The following MGAT4C variants were observed in gnomAD, a reference collection of about 807,000 sequenced individuals.
The protein encoded by MGAT4C is alpha-1,3-mannosyl-glycoprotein 4-beta-N-acetylglucosaminyltransferase C.
MGAT4C carries 19 observed loss-of-function variants against 40.1 expected under a neutral mutation model. The observed-to-expected ratio is 0.47, with a 90% CI of 0.33 to 0.70. MGAT4C has a LOEUF of 0.70. Among genes scored for constraint, MGAT4C ranks in the 30% least tolerant of loss-of-function variants. The pLI, the probability that MGAT4C is intolerant of heterozygous loss-of-function variation, is 0.02. For synonymous variants in MGAT4C, 181 were observed against 187.1 expected (o/e 0.97, Z 0.27); for missense variants, 491 against 563.2 (o/e 0.87, Z 1.30).
At chr12:86,179,207 C>T (rs1593158756) in intron 1 of MGAT4C, among the ~76,000 whole-genome samples, 1 of 152,162 alleles carries the variant, frequency 6.6e-6, no homozygotes, top group Non-Finnish European at 1.5e-5. Flanking sequence ...TTGCTTCTTC[C>T]TCATTTTTCT....
chr12:86,769,910 C>G (rs1416517647), intron 1 of MGAT4C, among the ~76,000 whole-genome samples: 1 of 151,818 alleles, frequency 6.6e-6, no homozygotes, highest in Non-Finnish European at 1.5e-5. Flanking sequence ...ATACCTAATG[C>G]TAAATGACAA....
intron 1 of MGAT4C, among the ~76,000 whole-genome samples, chr12:86,754,864 T>C (rs1480082663): frequency 1.3e-5 from 2 of 152,168 alleles, no homozygotes; most frequent in African/African-American, 4.8e-5. Context: ...GCTTCCATGA[T>C]GGTCTGAAAC....
intron 4 of MGAT4C, among the ~76,000 whole-genome samples, chr12:86,300,784 T>C (rs955170984): frequency 3.3e-5 from 5 of 152,072 alleles, no homozygotes; most frequent in African/African-American, 1.2e-4. Flanking sequence ...AAACTGAGTA[T>C]AAAATAAAGT....
At position 86,589,583 on chromosome 12, in the gene MGAT4C, G is replaced by A. The variant is rs10776990; in HGVS notation, c.-229+137626C>T. Among the ~76,000 whole-genome samples the A allele has an allele frequency of 2.7e-5, 4 of 147,308 alleles. No homozygotes were observed. The East Asian group carries it at 8.1e-4, about 30-fold the overall frequency. On this transcript the variant is annotated intron_variant, in intron 2 of 7. Transcript: ENST00000548651. ...CCAGCATCATCCTGATACCAAAGCC[G>A]GGCAGAGACACAACCAAAAAAGAGA...
chr12:86,598,884 T>G (rs555693242), intron 2 of MGAT4C, among the ~76,000 whole-genome samples: 6 of 152,290 alleles, frequency 3.9e-5, no homozygotes, highest in African/African-American at 1.4e-4. Flanking sequence ...AAATAAATAA[T>G]AGACATTCTG....
chr12:86,766,318 C>A (rs1442426137), intron 1 of MGAT4C, among the ~76,000 whole-genome samples: 9 of 152,098 alleles, frequency 5.9e-5, no homozygotes, highest in Non-Finnish European at 5.9e-5. Flanking sequence ...GAAGAGCTAA[C>A]TATCCTAAAT....
intron 2 of MGAT4C, among the ~76,000 whole-genome samples, chr12:86,458,028 C>A (rs933241051): frequency 6.6e-6 from 1 of 151,650 alleles, no homozygotes; most frequent in Non-Finnish European, 1.5e-5. Context: ...TTTGTCAATA[C>A]AAAACAAAAA....
chr12:86,164,467 G>C (rs1228631803), intron 1 of MGAT4C, among the ~76,000 whole-genome samples: 1 of 152,214 alleles, frequency 6.6e-6, no homozygotes, highest in African/African-American at 2.4e-5. Flanking sequence ...GGGGTGCAAA[G>C]TTGAGCAATA....
intron 2 of MGAT4C, among the ~76,000 whole-genome samples, chr12:86,673,809 G>T (rs937278368): frequency 5.3e-5 from 8 of 151,772 alleles, no homozygotes; most frequent in African/African-American, 1.9e-4. Context: ...ACTGTTTGAC[G>T]TATATGGATC....
At chr12:86,362,101 G>C (rs575061525) in intron 3 of MGAT4C, among the ~76,000 whole-genome samples, 37 of 152,310 alleles carry the variant, frequency 2.4e-4, no homozygotes, top group Non-Finnish European at 3.5e-4. Context: ...GTCCATCAAT[G>C]ATAGACTGGA....
In MGAT4C at chr12:85,989,585, T is replaced by G. The variant is rs768922507; in HGVS notation, c.-6-33A>C. ...AAAGAGACACAGAATTACTAGCAGT[T>G]GGTTTTGGATGCAAATATTTCTTTA... is the stretch of plus-strand genomic sequence containing the variant. On this transcript the variant is annotated intron_variant, in intron 2 of 4. Transcript: ENST00000611864. 1.5e-5 allele frequency: 23 copies of G among 1,535,910 alleles called. 1 individual carries two copies. The South Asian group carries it at 2.9e-4, about 19-fold the overall frequency.
At chr12:86,167,367 TTAA>T (rs2135818319) in intron 1 of MGAT4C, among the ~76,000 whole-genome samples, 1 of 152,302 alleles carries the variant, frequency 6.6e-6, no homozygotes, top group African/African-American at 2.4e-5. Flanking sequence ...TAGATGGTGG[TTAA>T]TAATTGTTTA....
chr12:86,574,489 A>G (rs1286912346), intron 2 of MGAT4C, among the ~76,000 whole-genome samples: 2 of 151,718 alleles, frequency 1.3e-5, no homozygotes, highest in Non-Finnish European at 3.0e-5. Context: ...TCTCAATCTT[A>G]TAATTATATT....
intron 1 of MGAT4C, among the ~76,000 whole-genome samples, chr12:86,215,510 C>A (rs1000317724): frequency 2.6e-5 from 4 of 152,028 alleles, no homozygotes; most frequent in Admixed American, 1.3e-4. Flanking sequence ...ATGATAATAG[C>A]CAAGTTTTAG....
chr12:86,251,132 T>A (rs1232025762), intron 1 of MGAT4C, among the ~76,000 whole-genome samples: 1 of 4,760 alleles, frequency 2.1e-4, no homozygotes, highest in African/African-American at 4.9e-4. Context: ...TTATTTCCCG[T>A]TTTTTTTTTT....
At chr12:86,118,886 C>T (rs953570752) in intron 1 of MGAT4C, among the ~76,000 whole-genome samples, 3 of 151,974 alleles carry the variant, frequency 2.0e-5, no homozygotes, top group African/African-American at 7.2e-5. Flanking sequence ...TATTTTCATG[C>T]TTTTCCTAAT....
In MGAT4C at chr12:86,172,782, G is replaced by A. The variant is rs1886989416; in HGVS notation, c.-57+83457C>T. Reference sequence around the variant, plus strand: ...ACTTAATTTTTTTAGATTAGTGATGGTAAAACAAAAATGAGATCACTTCTA... The same window carrying A: ...ACTTAATTTTTTTAGATTAGTGATGATAAAACAAAAATGAGATCACTTCTA... On this transcript the variant is annotated intron_variant, in intron 1 of 4. Coordinates refer to ENST00000611864, the MANE Select transcript of MGAT4C (RefSeq NM_001351288.2). 1.3e-5 allele frequency among the ~76,000 whole-genome samples: 2 copies of A among 151,926 alleles called. 1 individual carries two copies. The highest frequency in any genetic ancestry group is 2.9e-5 in the Non-Finnish European group (2 of 67,944).
chr12:86,434,938 G>A (rs1200111432), intron 3 of MGAT4C, among the ~76,000 whole-genome samples: 1 of 151,762 alleles, frequency 6.6e-6, no homozygotes, highest in African/African-American at 2.4e-5. Flanking sequence ...ACTTCCCTAT[G>A]TCCAATACAA....
intron 2 of MGAT4C, among the ~76,000 whole-genome samples, chr12:86,548,126 A>T (rs895063473): frequency 1.2e-4 from 18 of 152,142 alleles, no homozygotes; most frequent in African/African-American, 4.3e-4. Context: ...TAGAAGCTAA[A>T]TTCATGGAGG....
Sources: allele counts gnomAD v4.1 joint callset (sites outside exome capture counted in the v4.1 genomes callset), GRCh38; gene constraint gnomAD v4.1.1; transcripts MANE v1.5; gene names NCBI Gene and HGNC (gene_info 2026-07-23, HGNC 2026-07-21).